Variants in LARP1 observed in about 807,000 individuals in gnomAD.
The protein encoded by LARP1 is La ribonucleoprotein 1, translational regulator, also known as la-related protein 1.
LARP1 carries 36 observed loss-of-function variants against 122.7 expected under a neutral mutation model. The ratio of observed to expected loss-of-function variants is 0.29; its 90% confidence interval spans 0.22 to 0.39. LARP1 has a LOEUF of 0.39. Ranked by LOEUF, LARP1 falls within the 10% of genes least tolerant of loss-of-function variation. The pLI is 1.00. For missense variants in LARP1, 1,040 were observed against 1,403.6 expected (o/e 0.74, Z 4.14); for synonymous variants, 539 against 528.7 (o/e 1.02, Z -0.27).
rs141260330 is a variant in LARP1 at position 154,713,074 on chromosome 5, C to G, written c.149C>G (p.Thr50Arg). ...GCAGCTGCCCCGAGGAAGGAGCCCACAGGTGACAGGGAGAAGCCATTGCCA... is the reference window on the plus strand; with the variant it reads ...GCAGCTGCCCCGAGGAAGGAGCCCAGAGGTGACAGGGAGAAGCCATTGCCA... The change falls in exon 1 of 19, where the codon ACA becomes AGA. Residue 50 changes from threonine (T) to arginine (R), a missense_variant. Physicochemically the swap from Thr to Arg is moderately conservative, Grantham distance 71 (BLOSUM62 -1). Coordinates refer to the LARP1 transcript ENST00000336314. The G allele has an allele frequency of 9.0e-4, 1,450 of 1,614,212 alleles. 1 individual carries two copies. Among genetic ancestry groups the G allele is most frequent in the Non-Finnish European group, 9.9e-4 (1,168 of 1,180,032 alleles).
At chr5:154,774,535 C>T (rs1475973860) in intron 1 of LARP1, among the ~76,000 whole-genome samples, 1 of 152,204 alleles carries the variant, frequency 6.6e-6, no homozygotes, top group Non-Finnish European at 1.5e-5. Context: ...GGGGTCTAGT[C>T]TTATTACTCA....
chr5:154,764,886 C>T (rs1238623899), intron 1 of LARP1, among the ~76,000 whole-genome samples: 3 of 140,984 alleles, frequency 2.1e-5, no homozygotes, highest in Non-Finnish European at 3.0e-5. Flanking sequence ...GCCTGGGCAA[C>T]AGAGCAAGAC....
chr5:154,698,104 T>G (rs1255678714), intron 1 of LARP1, among the ~76,000 whole-genome samples: 1 of 152,154 alleles, frequency 6.6e-6, no homozygotes, highest in Non-Finnish European at 1.5e-5. Flanking sequence ...GTCGTACACT[T>G]TGTATTTTTG....
chr5:154,802,102 A>G lies in LARP1; in HGVS notation c.1812A>G (p.Glu604=), dbSNP rs1243392558. The change falls in exon 11 of 19, where the codon GAA becomes GAG. Residue 604 remains glutamate, a synonymous_variant. Transcript: ENST00000518297. This position sits in a 1 kb window ranked among gnomAD's most constrained non-coding sequence, Gnocchi z 5.1. The part of the protein sequence containing the change: ...LMSKDQDEQE[E]LDFLFDEEME... ...CCAAGGATCAGGATGAGCAAGAGGA[A>G]CTGGATTTTCTGTTTGACGAGGAGA... 2.1e-5 allele frequency: 34 copies of G among 1,614,178 alleles called. No individual in the cohort carries two copies. The highest frequency in any genetic ancestry group is 2.5e-5 in the Non-Finnish European group (30 of 1,180,032).
At position 154,802,045 on chromosome 5, in the gene LARP1, G is replaced by A; in HGVS notation, c.1755G>A (p.Leu585=). ...CCAGATTTTCCCACCTGACCTCTCT[G>A]CCTCAGCAGCTGCCTTCCCAGCAGC... ...EESRFSHLTS[L]PQQLPSQQLM... is the part of the protein sequence containing the mutation. Residue 585 remains leucine, a synonymous_variant, in exon 11 of 19, where the codon CTG becomes CTA. Transcript: ENST00000518297. The surrounding 1 kb of genome is among the most constrained non-coding windows in gnomAD (Gnocchi z 5.1). 1 of 1,613,892 alleles carries A rather than the reference G, an allele frequency of 6.2e-7. No individual in the cohort carries two copies. Among genetic ancestry groups the A allele is most frequent in the Non-Finnish European group, 8.5e-7 (1 of 1,179,898 alleles).
intron 1 of LARP1, among the ~76,000 whole-genome samples, chr5:154,743,682 C>T (rs1469949802): frequency 1.4e-5 from 2 of 146,838 alleles, no homozygotes; most frequent in Non-Finnish European, 3.0e-5. Flanking sequence ...TATAGTGGCA[C>T]GATCTGGACT....
At chr5:154,763,002 C>T (rs1461468116) in intron 1 of LARP1, among the ~76,000 whole-genome samples, 4 of 150,692 alleles carry the variant, frequency 2.7e-5, no homozygotes, top group Non-Finnish European at 4.4e-5. Context: ...CCATTTACTG[C>T]ATTTACTGAG....
intron 1 of LARP1, among the ~76,000 whole-genome samples, chr5:154,702,155 G>A (rs751751800): frequency 1.5e-4 from 23 of 152,268 alleles, no homozygotes; most frequent in Middle Eastern, 3.4e-3. Context: ...TTTGAGTTAC[G>A]CCTCTGTCAC....
intron 1 of LARP1, among the ~76,000 whole-genome samples, chr5:154,788,881 T>C (rs933158812): frequency 2.0e-5 from 3 of 152,232 alleles, no homozygotes; most frequent in African/African-American, 7.2e-5. Flanking sequence ...ACTGTATGTG[T>C]GTGCATGTGC....
chr5:154,737,663 G>C (rs1015601477), intron 1 of LARP1, among the ~76,000 whole-genome samples: 32 of 151,812 alleles, frequency 2.1e-4, no homozygotes, highest in African/African-American at 7.0e-4. Flanking sequence ...GACTGGTCTC[G>C]AACTCCTAAT....
In LARP1 at chr5:154,802,516, A is replaced by G; in HGVS notation, c.2109+117A>G. 1 of 1,227,478 alleles carries G rather than the reference A, an allele frequency of 8.1e-7. No homozygotes were observed. Among genetic ancestry groups the G allele is most frequent in the African/African-American group, 1.5e-5 (1 of 66,092 alleles). 76.0% of individuals were successfully genotyped at this position (1,227,478 alleles called of 1,614,324 possible). A position where few individuals can be genotyped will look rare whatever the true frequency, so the allele number is the denominator to read the frequency against. On this transcript the variant is annotated intron_variant, in intron 11 of 18. Coordinates refer to ENST00000518297, the MANE Select transcript of LARP1 (RefSeq NM_033551.3). The surrounding 1 kb of genome is among the most constrained non-coding windows in gnomAD (Gnocchi z 5.1). ...GGTCCTTATAATTCAGAGTCTCAGG[A>G]TTTTTATATATGGGAAGGGGATGAT...
At chr5:154,806,130 T>A (rs1758758747) in intron 15 of LARP1, 98 bp downstream of exon 15, 2 of 1,308,036 alleles carry the variant, frequency 1.5e-6, no homozygotes, top group South Asian at 2.9e-5. Flanking sequence ...CTCTTTTCTC[T>A]GACTTCAGAG....
chr5:154,717,833 T>C (rs1022512998), intron 1 of LARP1, among the ~76,000 whole-genome samples: 7 of 152,190 alleles, frequency 4.6e-5, no homozygotes, highest in African/African-American at 1.4e-4. Flanking sequence ...AGAGAAAATG[T>C]GTAGCCCAGG....
intron 16 of LARP1, 115 bp from the exon 17 acceptor site, chr5:154,811,132 C>T (rs982599111): frequency 1.7e-5 from 13 of 750,218 alleles, no homozygotes; most frequent in African/African-American, 1.2e-4. Context: ...GCTGTTTTTT[C>T]AATACAGAAA....
chr5:154,795,355 A>G, intron 8 of LARP1, 36 bp downstream of exon 8: 2 of 1,607,098 alleles, frequency 1.2e-6, no homozygotes, highest in Non-Finnish European at 1.7e-6. Context: ...ATGCAGGGGA[A>G]AGAAAGGTCC....
At chr5:154,766,667 C>T (rs1211093373) in intron 1 of LARP1, among the ~76,000 whole-genome samples, 1 of 152,184 alleles carries the variant, frequency 6.6e-6, no homozygotes, top group African/African-American at 2.4e-5. Context: ...AGGTGGCAGT[C>T]GGCCCCCTTC....
chr5:154,775,265 A>G (rs1755775368), intron 1 of LARP1, among the ~76,000 whole-genome samples: 1 of 152,136 alleles, frequency 6.6e-6, no homozygotes, highest in Admixed American at 6.5e-5. Flanking sequence ...GTGCCACTGC[A>G]CTCCAGCCTG....
At chr5:154,746,654 T>C (rs967517024) in intron 1 of LARP1, among the ~76,000 whole-genome samples, 28 of 152,194 alleles carry the variant, frequency 1.8e-4, no homozygotes, top group African/African-American at 6.8e-4. Context: ...CAATCATGTC[T>C]ATCCTCTCTC....
At position 154,816,714 on chromosome 5, in the gene LARP1, T is replaced by C. The variant is rs1759693153; in HGVS notation, c.*2618T>C. On this transcript the variant is annotated 3_prime_UTR_variant, in exon 19 of 19. Transcript: ENST00000518297. ...CCACTTCACACCTACCATCGTCCCA[T>C]GGGGATCCAAGACCTGAGATAAAGC... 6.6e-6 allele frequency: 1 copy of C among 152,542 alleles called. No homozygotes were observed. The highest frequency in any genetic ancestry group is 2.4e-5 in the African/African-American group (1 of 41,456). 9.4% of individuals were successfully genotyped at this position (152,542 alleles called of 1,614,324 possible).
Sources: gnomAD v4.1 joint callset for allele counts (sites outside exome capture counted in the v4.1 genomes callset) on GRCh38, gnomAD v4.1.1 for gene constraint, Gnocchi (gnomAD v3.1) non-coding constraint, MANE v1.5 for transcripts, NCBI Gene and HGNC (gene_info 2026-07-23, HGNC 2026-07-21) for gene names.